Variants in NUP93 observed in about 807,000 individuals in gnomAD.
NUP93 encodes the protein nucleoporin 93, also known as nuclear pore complex protein Nup93.
Under a neutral mutation model 107.8 loss-of-function variants are expected in NUP93, and 55 were observed. The ratio of observed to expected loss-of-function variants is 0.51; its 90% CI spans 0.41 to 0.64. The LOEUF (loss-of-function observed/expected upper bound fraction) is 0.64. NUP93 is among the 30% of genes least tolerant of loss of function. The pLI is 0.00. For synonymous variants in NUP93, 390 were observed against 397.5 expected (o/e 0.98, Z 0.22); for missense variants, 937 against 1,044.7 (o/e 0.90, Z 1.42).
intron 20 of NUP93, 182 bp downstream of exon 20, chr16:56,839,786 A>G: frequency 3.4e-6 from 2 of 581,516 alleles, no homozygotes; most frequent in South Asian, 4.0e-5. Flanking sequence ...ATACATCCCC[A>G]TCAGATTATT....
chr16:56,817,281 C>T lies in NUP93; in HGVS notation c.490-1383C>T, dbSNP rs1020676745. Among the ~76,000 whole-genome samples, 6 of 151,880 alleles carry T rather than the reference C, an allele frequency of 4.0e-5. No homozygotes were observed. The East Asian group carries it at 1.2e-3, about 29-fold the overall frequency. The stretch of plus-strand genomic sequence containing the variant: ...TCCTGGAACCCAGGCATCCTTGACA[C>T]TCCAGTGTTCATTCTCCAGAACCAG... On this transcript the variant is annotated intron_variant, in intron 5 of 21. Coordinates refer to ENST00000308159, the MANE Select transcript of NUP93 (RefSeq NM_014669.5).
chr16:56,812,853 G>C (rs906808891), intron 5 of NUP93, among the ~76,000 whole-genome samples: 1 of 152,206 alleles, frequency 6.6e-6, no homozygotes, highest in Non-Finnish European at 1.5e-5. Flanking sequence ...GAATCCTCAC[G>C]TCGCAGTTTT....
intron 3 of NUP93, among the ~76,000 whole-genome samples, chr16:56,767,693 G>C (rs1446911806): frequency 6.6e-6 from 1 of 152,176 alleles, no homozygotes; most frequent in East Asian, 1.9e-4. Context: ...TATTCCCTGG[G>C]AGTTTTCTCT....
rs557645742 is a variant in NUP93 at position 56,829,052 on chromosome 16, C to A, written c.870C>A (p.Tyr290Ter). ...QAQLGGVPGTYQLVRSFLNIK... is the reference protein window; with the variant it reads ...QAQLGGVPGT ...AGCTGGGCGGGGTGCCTGGGACTTA[C>A]CAATTGGTTCGAAGTTTCCTGAACA... Residue 290 changes from tyrosine (Y) to a stop codon, truncating the protein, a stop_gained, in exon 9 of 22, where the codon TAC becomes TAA. Transcript: ENST00000308159. LOFTEE classifies it high-confidence loss of function. 6.2e-7 allele frequency: 1 copy of A among 1,613,446 alleles called. No individual in the cohort carries two copies. Among genetic ancestry groups the A allele is most frequent in the Non-Finnish European group, 8.5e-7 (1 of 1,179,812 alleles).
intron 4 of NUP93, among the ~76,000 whole-genome samples, chr16:56,799,566 C>A (rs1227491365): frequency 3.9e-5 from 6 of 152,188 alleles, no homozygotes; most frequent in African/African-American, 1.4e-4. Context: ...GTGCAGCTTT[C>A]CCCAGGAAGG....
chr16:56,831,898 A>G lies in NUP93; in HGVS notation c.1142A>G (p.Asn381Ser), dbSNP rs1309196589. 4 of 1,614,120 alleles carry G rather than the reference A, an allele frequency of 2.5e-6. No individual in the cohort carries two copies. The highest frequency in any genetic ancestry group is 3.4e-6 in the Non-Finnish European group (4 of 1,180,008). The change falls in exon 11 of 22, where the codon AAC becomes AGC. Residue 381 changes from asparagine (N) to serine (S), a missense_variant. Coordinates refer to ENST00000308159, the MANE Select transcript of NUP93 (RefSeq NM_014669.5). ...CTGCATTACCGTAGGGCCCTCAGGAACAATACAGATCCCTACAAGCGGGCC... is the reference window on the plus strand; with the variant it reads ...CTGCATTACCGTAGGGCCCTCAGGAGCAATACAGATCCCTACAAGCGGGCC... ...LRLHYRRALRNNTDPYKRAVY... is the reference protein window; with the variant it reads ...LRLHYRRALRSNTDPYKRAVY...
chr16:56,749,983 C>T (rs989939390), intron 2 of NUP93, among the ~76,000 whole-genome samples: 1 of 152,216 alleles, frequency 6.6e-6, no homozygotes, highest in Non-Finnish European at 1.5e-5. Context: ...TGCAGTTACC[C>T]CCAGTCTTGA....
intron 1 of NUP93, among the ~76,000 whole-genome samples, chr16:56,731,315 T>C (rs1299862081): frequency 2.0e-5 from 3 of 152,036 alleles, no homozygotes; most frequent in Non-Finnish European, 4.4e-5. Context: ...CTGTTGCCTC[T>C]TTTTTCTCAT....
intron 3 of NUP93, among the ~76,000 whole-genome samples, chr16:56,763,826 G>A (rs1318114365): frequency 6.6e-6 from 1 of 151,948 alleles, no homozygotes; most frequent in African/African-American, 2.4e-5. Context: ...TTCTAATCAT[G>A]GTTAAGTGAA....
intron 3 of NUP93, chr16:56,782,274 G>A (rs1260913705): frequency 1.1e-6 from 1 of 935,118 alleles, no homozygotes; most frequent in Non-Finnish European, 1.3e-6. Context: ...AAATAGAGTG[G>A]CAGCATGTTG....
intron 1 of NUP93, among the ~76,000 whole-genome samples, chr16:56,741,324 G>A (rs1441530281): frequency 6.6e-5 from 10 of 152,174 alleles, no homozygotes; most frequent in African/African-American, 2.2e-4. Context: ...AATCAGCAGA[G>A]TTTATAAGAT....
At chr16:56,822,559 C>T (rs1352775239) in intron 7 of NUP93, among the ~76,000 whole-genome samples, 1 of 45,714 alleles carries the variant, frequency 2.2e-5, no homozygotes. Context: ...TCTTTCTTTT[C>T]TTTTCTTTTT....
chr16:56,736,247 T>G (rs1226208406), intron 1 of NUP93, among the ~76,000 whole-genome samples: 1 of 151,790 alleles, frequency 6.6e-6, no homozygotes, highest in African/African-American at 2.4e-5. Flanking sequence ...GCAGGAGAAT[T>G]GCTTGAAACC....
chr16:56,806,496 A>G (rs1395982856), intron 5 of NUP93, among the ~76,000 whole-genome samples: 6 of 152,140 alleles, frequency 3.9e-5, no homozygotes, highest in Non-Finnish European at 7.4e-5. Context: ...TTTCTGGCTC[A>G]GGGTCTCTAA....
At chr16:56,793,813 G>T (rs1212441391) in intron 3 of NUP93, among the ~76,000 whole-genome samples, 1 of 152,148 alleles carries the variant, frequency 6.6e-6, no homozygotes, top group Non-Finnish European at 1.5e-5. Flanking sequence ...TTTATACTTT[G>T]GGAGGCTGAG....
chr16:56,779,587 TG>T (rs1439442747), intron 3 of NUP93, among the ~76,000 whole-genome samples: 1 of 152,186 alleles, frequency 6.6e-6, no homozygotes, highest in African/African-American at 2.4e-5. Flanking sequence ...TTCAGGCATC[TG>T]GGGTCTGAAG....
Position 56,847,557 on chromosome 16 carries a change from CAAAGG to C in NUP93, c.*2953_*2957del, listed in dbSNP as rs1243883051. 1 of 152,180 alleles carries C rather than the reference CAAAGG, an allele frequency of 6.6e-6. No individual in the cohort carries two copies. Among genetic ancestry groups the C allele is most frequent in the Admixed American group, 6.5e-5 (1 of 15,290 alleles). 9.4% of individuals were successfully genotyped at this position (152,180 alleles called of 1,614,324 possible). ...CTCATAATAAACTCACTGAAACACT[CAAAGG>C]AAAGTACTGACTTGATCTGGATCCT... On this transcript the variant is annotated 3_prime_UTR_variant, in exon 22 of 22. Transcript: ENST00000308159.
At chr16:56,790,476 C>T (rs2144538448) in intron 3 of NUP93, among the ~76,000 whole-genome samples, 1 of 152,344 alleles carries the variant, frequency 6.6e-6, no homozygotes, top group African/African-American at 2.4e-5. Flanking sequence ...AGCGAGTCCA[C>T]ACCGTCTGAT....
In NUP93 at chr16:56,759,073, G is replaced by T. The variant is rs138057299; in HGVS notation, c.297+418G>T. ...TTGGCAAAGAGCTGGGGAAAACTTAGAGTACTATTTACTGAAACCTACTCA... is the reference window on the plus strand; with the variant it reads ...TTGGCAAAGAGCTGGGGAAAACTTATAGTACTATTTACTGAAACCTACTCA... On this transcript the variant is annotated intron_variant, in intron 3 of 21. Transcript: ENST00000308159. Among the ~76,000 whole-genome samples, 652 of 152,284 alleles carry T rather than the reference G, an allele frequency of 4.3e-3. 6 individuals are homozygous for T. Among genetic ancestry groups the T allele is most frequent in the African/African-American group, 0.015 (604 of 41,560 alleles).
Sources: gnomAD v4.1 joint callset for allele counts (sites outside exome capture counted in the v4.1 genomes callset) on GRCh38, gnomAD v4.1.1 for gene constraint, MANE v1.5 for transcripts, NCBI Gene and HGNC (gene_info 2026-07-23, HGNC 2026-07-21) for gene names.